Variants in KCND2 observed in about 807,000 individuals in gnomAD.
KCND2 encodes the protein A-type voltage-gated potassium channel KCND2.
A neutral mutation model predicts 54.4 loss-of-function variants in KCND2; 16 were observed. That is an observed-to-expected ratio of 0.29 (90% confidence interval 0.20 to 0.45). The LOEUF is 0.45. Among genes scored for constraint, KCND2 ranks in the 20% least tolerant of loss-of-function variants. The probability of loss-of-function intolerance (pLI) is 1.00; values close to 1 mark genes in which losing one functional copy is unlikely to be tolerated. For missense variants in KCND2, 486 were observed against 824.2 expected, an observed-to-expected ratio of 0.59 and a Z score of 5.02; for synonymous variants, 317 against 310.7, an observed-to-expected ratio of 1.02 and a Z score of -0.21.
intron 1 of KCND2, among the ~76,000 whole-genome samples, chr7:120,466,488 C>T (rs980227997): frequency 4.6e-5 from 7 of 152,126 alleles, no homozygotes; most frequent in African/African-American, 1.7e-4. Flanking sequence ...CAGCACAATA[C>T]TTCCAGGTAT....
intron 1 of KCND2, among the ~76,000 whole-genome samples, chr7:120,428,158 C>T (rs956523404): frequency 3.3e-5 from 5 of 152,256 alleles, no homozygotes; most frequent in African/African-American, 1.2e-4. Flanking sequence ...CATCTGCCAA[C>T]TCATTCTTTA....
At chr7:120,313,833 C>T (rs2116318636) in intron 1 of KCND2, among the ~76,000 whole-genome samples, 1 of 145,124 alleles carries the variant, frequency 6.9e-6, no homozygotes, top group Middle Eastern at 4.4e-3. Flanking sequence ...TACTGTAAGA[C>T]ATAAGCCAAC....
chr7:120,539,983 C>T (rs964977235), intron 1 of KCND2, among the ~76,000 whole-genome samples: 1 of 152,082 alleles, frequency 6.6e-6, no homozygotes, highest in Non-Finnish European at 1.5e-5. Context: ...ACGAAGAGGG[C>T]TTAAAATATG....
chr7:120,637,616 C>G (rs1793321208), intron 1 of KCND2, among the ~76,000 whole-genome samples: 1 of 152,106 alleles, frequency 6.6e-6, no homozygotes, highest in Admixed American at 6.6e-5. Context: ...CACAATTTCT[C>G]TAGCCATTCC....
At chr7:120,702,360 A>G (rs1010570121) in intron 1 of KCND2, among the ~76,000 whole-genome samples, 7 of 152,192 alleles carry the variant, frequency 4.6e-5, no homozygotes, top group Non-Finnish European at 1.0e-4. Context: ...AATTCGTTCA[A>G]CCATTGTGGA....
intron 1 of KCND2, among the ~76,000 whole-genome samples, chr7:120,370,002 G>A (rs1208399131): frequency 2.0e-5 from 3 of 151,962 alleles, no homozygotes; most frequent in Non-Finnish European, 4.4e-5. Context: ...AGTATATATG[G>A]TGGATGGGGA....
At position 120,748,388 on chromosome 7, in the gene KCND2, A is replaced by C. The variant is rs1793032309; in HGVS notation, c.*530A>C. ...CTCAGTTTCCTTATGTTGTCTTCAG[A>C]ATAGGCATGATAAACTATAATTGTA... is the stretch of plus-strand genomic sequence containing the variant. On this transcript the variant is annotated 3_prime_UTR_variant, in exon 6 of 6. Transcript: ENST00000331113. 1 of 154,044 alleles carries C rather than the reference A, an allele frequency of 6.5e-6. No individual in the cohort carries two copies. Among genetic ancestry groups the C allele is most frequent in the South Asian group, 2.0e-4 (1 of 4,882 alleles). The allele number at this position is 154,044 out of a possible 1,614,324, so 9.5% of individuals were successfully genotyped here.
intron 1 of KCND2, among the ~76,000 whole-genome samples, chr7:120,658,921 G>A (rs746021999): frequency 6.6e-6 from 1 of 152,168 alleles, no homozygotes; most frequent in African/African-American, 2.4e-5. Flanking sequence ...TGAGTACTGA[G>A]AAAATAAAAA....
intron 1 of KCND2, among the ~76,000 whole-genome samples, chr7:120,622,713 T>TCACA (rs1229278377): frequency 3.0e-5 from 4 of 133,294 alleles, no homozygotes; most frequent in African/African-American, 1.1e-4. Context: ...TCTCTCTCTC[T>TCACA]CTCACACACA....
intron 4 of KCND2, among the ~76,000 whole-genome samples, chr7:120,744,403 A>G (rs1227475122): frequency 6.6e-6 from 1 of 152,148 alleles, no homozygotes; most frequent in Non-Finnish European, 1.5e-5. Context: ...AGTATGTAGT[A>G]ACTAATAACA....
At chr7:120,594,952 G>A (rs929732782) in intron 1 of KCND2, among the ~76,000 whole-genome samples, 1 of 151,678 alleles carries the variant, frequency 6.6e-6, no homozygotes, top group Non-Finnish European at 1.5e-5. Flanking sequence ...CCCGGGAGGC[G>A]GAGGTTGCAG....
chr7:120,725,469 G>A (rs1792721859), intron 1 of KCND2, among the ~76,000 whole-genome samples: 1 of 152,060 alleles, frequency 6.6e-6, no homozygotes, highest in Non-Finnish European at 1.5e-5. Flanking sequence ...TATTTCCAGA[G>A]GAATAAGATG....
rs150811036 is a variant in KCND2, at chr7:120,298,227, C to T, written c.1115+22480C>T. On this transcript the variant is annotated intron_variant, in intron 1 of 5. Transcript: ENST00000331113. ...CATCAAAAAAGAGTCTCTCTACACACGGGTATTACAGACTTCTCTAGGGCG... is the reference window on the plus strand; with the variant it reads ...CATCAAAAAAGAGTCTCTCTACACATGGGTATTACAGACTTCTCTAGGGCG... Among the ~76,000 whole-genome samples, 22 of 152,188 alleles carry T rather than the reference C, an allele frequency of 1.4e-4. No individual in the cohort carries two copies. The East Asian group carries it at 3.7e-3, about 25-fold the overall frequency.
At chr7:120,438,699 A>G (rs1412905785) in intron 1 of KCND2, among the ~76,000 whole-genome samples, 1 of 152,140 alleles carries the variant, frequency 6.6e-6, no homozygotes, top group Non-Finnish European at 1.5e-5. Flanking sequence ...TGTCATCATA[A>G]TGTCACACAT....
chr7:120,713,696 T>C (rs1468770075), intron 1 of KCND2, among the ~76,000 whole-genome samples: 1 of 152,206 alleles, frequency 6.6e-6, no homozygotes, highest in Non-Finnish European at 1.5e-5. Flanking sequence ...CTTTTGCTAA[T>C]CTGCAATTTA....
In KCND2 at chr7:120,717,774, G is replaced by A. The variant is rs115240340; in HGVS notation, c.1116-15129G>A. Among the ~76,000 whole-genome samples the A allele has an allele frequency of 4.4e-3, 663 of 151,986 alleles. 5 individuals carry two copies. The highest frequency in any genetic ancestry group is 0.015 in the African/African-American group (636 of 41,474). ...TTCCTCTAGATTCAGTTCAAATCTT[G>A]CCTCCTTATGGAAGTACTTCCCAAG... On this transcript the variant is annotated intron_variant, in intron 1 of 5. Coordinates refer to ENST00000331113, the MANE Select transcript of KCND2 (RefSeq NM_012281.3).
At chr7:120,315,228 T>C (rs1799796100) in intron 1 of KCND2, among the ~76,000 whole-genome samples, 1 of 152,112 alleles carries the variant, frequency 6.6e-6, no homozygotes, top group Non-Finnish European at 1.5e-5. Context: ...CCACCACCAT[T>C]CATTGACAGG....
At chr7:120,687,404 A>C (rs1792216652) in intron 1 of KCND2, among the ~76,000 whole-genome samples, 1 of 152,212 alleles carries the variant, frequency 6.6e-6, no homozygotes, top group Admixed American at 6.5e-5. Flanking sequence ...TTTTGTTAAA[A>C]GGATAAATCT....
At chr7:120,431,722 T>G (rs893133970) in intron 1 of KCND2, among the ~76,000 whole-genome samples, 1 of 152,182 alleles carries the variant, frequency 6.6e-6, no homozygotes, top group African/African-American at 2.4e-5. Flanking sequence ...TACTTTTACA[T>G]TATCTAACCC....
Sources: gnomAD v4.1 joint callset for allele counts (sites outside exome capture counted in the v4.1 genomes callset) on GRCh38, gnomAD v4.1.1 for gene constraint, MANE v1.5 for transcripts, NCBI Gene and HGNC (gene_info 2026-07-23, HGNC 2026-07-21) for gene names.